Variants in LY6S observed in about 807,000 individuals in gnomAD.
LY6S encodes the protein lymphocyte antigen 6 family member S, also known as lymphocyte antigen 6S.
At chr8:143,049,049 G>A in the LY6S span, among the ~76,000 whole-genome samples, 58 of 152,168 alleles carry the variant, frequency 3.8e-4, no homozygotes, top group East Asian at 2.1e-3. Flanking sequence ...GACTTCCAGC[G>A]CCCGTGAGAC....
At chr8:143,065,427 T>C in the LY6S span, among the ~76,000 whole-genome samples, 1 of 152,216 alleles carries the variant, frequency 6.6e-6, no homozygotes, top group Non-Finnish European at 1.5e-5. Context: ...ATGCAAGGTG[T>C]TCTGCCCCCT....
the LY6S span, among the ~76,000 whole-genome samples, chr8:143,063,505 C>A: frequency 2.0e-5 from 3 of 152,176 alleles, no homozygotes; most frequent in African/African-American, 7.2e-5. Flanking sequence ...GTAAAGTCCT[C>A]GCTTCTGTTA....
the LY6S span, among the ~76,000 whole-genome samples, chr8:143,050,227 C>T: frequency 2.1e-5 from 3 of 144,010 alleles, no homozygotes; most frequent in East Asian, 6.1e-4. Flanking sequence ...TGTCACCAAG[C>T]TGGAGTGCAG....
At chr8:143,057,417 A>G in the LY6S span, 1 of 466,734 alleles carries the variant, frequency 2.1e-6, no homozygotes, top group Non-Finnish European at 4.0e-6. Context: ...GCCCGGCTAC[A>G]TTTTGTATTT....
chr8:143,045,265 C>T, the LY6S span, among the ~76,000 whole-genome samples: 1 of 152,288 alleles, frequency 6.6e-6, no homozygotes, highest in Admixed American at 6.5e-5. This position sits in a 1 kb window ranked among gnomAD's most constrained non-coding sequence, Gnocchi z 5.3. Flanking sequence ...CCTCTAAAGG[C>T]CCCTCTGCTT....
At chr8:143,057,747 C>T in the LY6S span, 9 of 787,978 alleles carry the variant, frequency 1.1e-5, no homozygotes, top group African/African-American at 5.1e-5. Context: ...ATCACTGTGT[C>T]GATCTGATCA....
At chr8:143,062,290 T>C in the LY6S span, among the ~76,000 whole-genome samples, 3 of 152,244 alleles carry the variant, frequency 2.0e-5, no homozygotes, top group African/African-American at 7.2e-5. Flanking sequence ...GACAGTATCA[T>C]TTATATTATC....
At chr8:143,070,449 T>TA in the LY6S span, among the ~76,000 whole-genome samples, 1 of 25,032 alleles carries the variant, frequency 4.0e-5, no homozygotes, top group African/African-American at 1.6e-4. Context: ...ATATATTGTA[T>TA]ATATATATAT....
chr8:143,041,169 G>C, the LY6S span, among the ~76,000 whole-genome samples: 1 of 152,156 alleles, frequency 6.6e-6, no homozygotes, highest in Non-Finnish European at 1.5e-5. Context: ...TATTAGGCGG[G>C]AATTTCCTCA....
chr8:143,050,951 C>T, the LY6S span, among the ~76,000 whole-genome samples: 4 of 152,326 alleles, frequency 2.6e-5, no homozygotes, highest in South Asian at 4.1e-4. Context: ...CACGGGTGTG[C>T]GGACTCCAAG....
the LY6S span, chr8:143,044,547 CCCCA>C: frequency 2.6e-6 from 1 of 377,700 alleles, no homozygotes; most frequent in Non-Finnish European, 4.7e-6. Context: ...CCACCCCACC[CCCCA>C]CCTCAGGAGC....
At chr8:143,046,283 A>G in the LY6S span, among the ~76,000 whole-genome samples, 12 of 152,118 alleles carry the variant, frequency 7.9e-5, no homozygotes, top group African/African-American at 2.9e-4. Flanking sequence ...GCAAGATTAT[A>G]ACAATGAGAG....
At chr8:143,045,978 C>A in the LY6S span, among the ~76,000 whole-genome samples, 1 of 152,126 alleles carries the variant, frequency 6.6e-6, no homozygotes, top group Non-Finnish European at 1.5e-5. The surrounding 1 kb of genome is among the most constrained non-coding windows in gnomAD (Gnocchi z 5.3). Context: ...CTCAGCCTCC[C>A]GAGTAGCTGT....
chr8:143,062,439 G>A, the LY6S span, among the ~76,000 whole-genome samples: 7 of 152,306 alleles, frequency 4.6e-5, no homozygotes, highest in South Asian at 2.1e-4. Flanking sequence ...AGGCCAAGGC[G>A]GGTGGATCAT....
the LY6S span, among the ~76,000 whole-genome samples, chr8:143,045,637 C>A: frequency 6.6e-6 from 1 of 152,164 alleles, no homozygotes; most frequent in Non-Finnish European, 1.5e-5. The surrounding 1 kb of genome is among the most constrained non-coding windows in gnomAD (Gnocchi z 5.3). Context: ...CCTCCCAGGC[C>A]TGGTCCACCC....
the LY6S span, chr8:143,053,403 G>A: frequency 6.6e-6 from 1 of 152,124 alleles, no homozygotes; most frequent in Non-Finnish European, 1.5e-5. Context: ...CTAGGGAAGC[G>A]ATGAACCATA....
At chr8:143,055,680 T>C in the LY6S span, among the ~76,000 whole-genome samples, 5 of 152,228 alleles carry the variant, frequency 3.3e-5, no homozygotes, top group Admixed American at 2.6e-4. Context: ...TAACAGCTTG[T>C]ACGAGCGCTT....
the LY6S span, among the ~76,000 whole-genome samples, chr8:143,070,491 T>TATA: frequency 2.4e-5 from 2 of 83,574 alleles, no homozygotes; most frequent in South Asian, 3.5e-4. Flanking sequence ...ATATATATAT[T>TATA]TTTTTTTTTT....
At chr8:143,053,916 G>A in the LY6S span, 1 of 152,172 alleles carries the variant, frequency 6.6e-6, no homozygotes, top group Non-Finnish European at 1.5e-5. Context: ...AGCACAACTA[G>A]GACGTCTGGT....
Sources: gnomAD v4.1 joint callset for allele counts (sites outside exome capture counted in the v4.1 genomes callset) on GRCh38, gnomAD v4.1.1 for gene constraint, Gnocchi (gnomAD v3.1) non-coding constraint, MANE v1.5 for transcripts, NCBI Gene and HGNC (gene_info 2026-07-23, HGNC 2026-07-21) for gene names.